The following CLCN7 variants were observed in gnomAD, a reference collection of about 807,000 sequenced individuals.
CLCN7 encodes the protein H(+)/Cl(-) exchange transporter 7.
CLCN7 carries 60 observed loss-of-function variants against 102.1 expected under a neutral mutation model. The ratio of observed to expected loss-of-function variants is 0.59; its 90% confidence interval spans 0.48 to 0.73. The LOEUF (loss-of-function observed/expected upper bound fraction) is 0.73, where lower values mean the gene tolerates loss of function less well. Ranked by LOEUF, CLCN7 falls within the 30% of genes least tolerant of loss-of-function variation. The pLI, the probability that CLCN7 is intolerant of heterozygous loss-of-function variation, is 0.00. For synonymous variants in CLCN7, 560 were observed against 490.5 expected, an observed-to-expected ratio of 1.14 and a Z score of -1.87; for missense variants, 962 against 1,125.7, an observed-to-expected ratio of 0.85 and a Z score of 2.08.
chr16:1,450,136 C>T (rs767766022), intron 17 of CLCN7: 5 of 343,480 alleles, frequency 1.5e-5, no homozygotes, highest in African/African-American at 4.2e-5. Context: ...CTCTGGCCCC[C>T]GGCCTCACAG....
chr16:1,465,670 C>A (rs1168795545), intron 1 of CLCN7, among the ~76,000 whole-genome samples: 2 of 152,260 alleles, frequency 1.3e-5, no homozygotes, highest in African/African-American at 4.8e-5. Flanking sequence ...CAATGCAGTG[C>A]CCGCCACAGC....
chr16:1,463,407 G>A (rs948345238), intron 2 of CLCN7, among the ~76,000 whole-genome samples: 1 of 152,082 alleles, frequency 6.6e-6, no homozygotes, highest in African/African-American at 2.4e-5. Flanking sequence ...GCTGAAACGG[G>A]AGGATTGCTT....
At chr16:1,453,617 C>T (rs1225615192) in intron 14 of CLCN7, among the ~76,000 whole-genome samples, 2 of 152,232 alleles carry the variant, frequency 1.3e-5, no homozygotes, top group African/African-American at 4.8e-5. Flanking sequence ...CTCCAGGAGC[C>T]CTCGCACTCC....
chr16:1,458,313 AGT>A (rs2038872126), intron 7 of CLCN7, among the ~76,000 whole-genome samples: 2 of 152,256 alleles, frequency 1.3e-5, no homozygotes, highest in Admixed American at 1.3e-4. Context: ...AAGGGCGCTG[AGT>A]GTGTGGGGGA....
chr16:1,451,833 G>A (rs1418063605), intron 15 of CLCN7, 117 bp from the exon 16 acceptor site: 40 of 784,358 alleles, frequency 5.1e-5, no homozygotes, highest in Admixed American at 2.8e-4. Context: ...CATCAGGCGC[G>A]AAACCACACG....
chr16:1,447,786 C>T (rs2038677538), intron 21 of CLCN7, 72 bp from the exon 22 acceptor site: 2 of 1,474,122 alleles, frequency 1.4e-6, no homozygotes, highest in Admixed American at 2.0e-5. Context: ...TGTGTCGGGC[C>T]CCGCTCTGAC....
intron 17 of CLCN7, 58 bp from the exon 18 acceptor site, chr16:1,449,385 A>C: frequency 6.6e-7 from 1 of 1,520,406 alleles, no homozygotes; most frequent in South Asian, 1.2e-5. Context: ...ACCCACCAAG[A>C]TACACAGACG....
At chr16:1,467,198 C>G (rs1380287262) in intron 1 of CLCN7, among the ~76,000 whole-genome samples, 1 of 152,038 alleles carries the variant, frequency 6.6e-6, no homozygotes, top group African/African-American at 2.4e-5. Flanking sequence ...AGAGGCCAGA[C>G]AGACAGACAG....
chr16:1,466,963 C>A (rs944794714), intron 1 of CLCN7, among the ~76,000 whole-genome samples: 1 of 143,830 alleles, frequency 7.0e-6, no homozygotes, highest in Non-Finnish European at 1.5e-5. Flanking sequence ...AAGAACCTGA[C>A]CTTCCAGCCC....
intron 3 of CLCN7, 58 bp from the exon 4 acceptor site, chr16:1,461,528 G>A: frequency 6.2e-7 from 1 of 1,602,876 alleles, no homozygotes; most frequent in East Asian, 2.2e-5. Context: ...CTGGGTGCGG[G>A]CACAGGGGAC....
intron 2 of CLCN7, among the ~76,000 whole-genome samples, chr16:1,462,366 T>C (rs1429069118): frequency 5.6e-5 from 1 of 17,770 alleles, no homozygotes; most frequent in Non-Finnish European, 1.3e-4. Flanking sequence ...CTCATCTGTC[T>C]TTTTTTTTTT....
intron 17 of CLCN7, 110 bp from the exon 18 acceptor site, chr16:1,449,437 C>CA (rs2142369247): frequency 1.0e-6 from 1 of 1,004,154 alleles, no homozygotes; most frequent in East Asian, 2.6e-5. Flanking sequence ...CAGCCAGGAA[C>CA]AAACCTCGTG....
At chr16:1,469,761 G>A (rs1477322541) in intron 1 of CLCN7, among the ~76,000 whole-genome samples, 1 of 152,218 alleles carries the variant, frequency 6.6e-6, no homozygotes, top group Non-Finnish European at 1.5e-5. Context: ...AGTCCCACTT[G>A]CACGCCATGT....
chr16:1,472,223 T>C (rs8050166), intron 1 of CLCN7, among the ~76,000 whole-genome samples: 25,281 of 152,218 alleles, frequency 0.17, 2,232 homozygotes, highest in African/African-American at 0.2. Flanking sequence ...TTACAATGAC[T>C]TTTAAGGGAA....
intron 2 of CLCN7, among the ~76,000 whole-genome samples, chr16:1,462,685 A>C (rs907289519): frequency 6.6e-6 from 1 of 151,800 alleles, no homozygotes; most frequent in East Asian, 1.9e-4. Context: ...AAAAAAAAAA[A>C]AACCAGGCAT....
Position 1,474,849 on chromosome 16 carries a change from A to G in CLCN7, c.126T>C (p.Pro42=), listed in dbSNP as rs3751884. The G allele has an allele frequency of 0.53, 739,036 of 1,386,310 alleles. 201,512 individuals carry two copies. The highest frequency in any genetic ancestry group is 0.79 in the African/African-American group (52,298 of 65,790). 85.9% of individuals were successfully genotyped at this position (1,386,310 alleles called of 1,614,324 possible). A position where few individuals can be genotyped will look rare whatever the true frequency, so the allele number is the denominator to read the frequency against. Residue 42 remains proline (P), a synonymous_variant, in exon 1 of 25, where the codon CCT becomes CCC. Coordinates refer to ENST00000382745, the MANE Select transcript of CLCN7 (RefSeq NM_001287.6). The part of the protein sequence containing the change: ...GGTPLLNGAG[P]GAARQSPRSA... ...CCGGCCTCACCTGGCGCGCAGCCCC[A>G]GGCCCAGCCCCGTTCAGCAGCGGCG...
intron 12 of CLCN7, 73 bp from the exon 13 acceptor site, chr16:1,454,538 G>C: frequency 1.4e-6 from 2 of 1,409,188 alleles, no homozygotes; most frequent in Non-Finnish European, 2.0e-6. Flanking sequence ...GAAACTCAAG[G>C]ACCACCATCT....
intron 9 of CLCN7, among the ~76,000 whole-genome samples, chr16:1,456,461 C>T (rs948167808): frequency 4.6e-5 from 7 of 152,196 alleles, no homozygotes; most frequent in African/African-American, 1.7e-4. Flanking sequence ...CGCAAGATTC[C>T]AAAAACCTCT....
chr16:1,461,313 C>G (rs1001820818), intron 4 of CLCN7, 92 bp downstream of exon 4: 1 of 1,107,188 alleles, frequency 9.0e-7, no homozygotes. Context: ...GGAGGAGGTG[C>G]GTCACCTCAC....
Sources: gnomAD v4.1 joint callset for allele counts (sites outside exome capture counted in the v4.1 genomes callset) on GRCh38, gnomAD v4.1.1 for gene constraint, MANE v1.5 for transcripts, NCBI Gene and HGNC (gene_info 2026-07-23, HGNC 2026-07-21) for gene names.